HPCAL1: variants seen among roughly 807,000 people sequenced by gnomAD.
HPCAL1 encodes the protein hippocalcin-like protein 1.
Under a neutral mutation model 17.1 loss-of-function variants are expected in HPCAL1, and 8 were observed. The observed-to-expected ratio is 0.47, with a 90% CI of 0.27 to 0.84. The LOEUF is 0.84. Ranked by LOEUF, HPCAL1 falls within the 40% of genes least tolerant of loss-of-function variation. The pLI is 0.13. For synonymous variants in HPCAL1, 112 were observed against 111.4 expected (o/e 1.01, Z -0.03); for missense variants, 165 against 271.1 (o/e 0.61, Z 2.75).
chr2:10,369,275 T>C (rs1667066062), intron 1 of HPCAL1: 1 of 152,232 alleles, frequency 6.6e-6, no homozygotes, highest in African/African-American at 2.4e-5. Context: ...CTCTTAGAGT[T>C]TGTTGACCTC....
intron 1 of HPCAL1, among the ~76,000 whole-genome samples, chr2:10,364,355 CT>C (rs1284230977): frequency 1.3e-5 from 2 of 152,188 alleles, no homozygotes; most frequent in African/African-American, 2.4e-5. Flanking sequence ...GAGGCCCCCC[CT>C]ACTCTTTCCC....
chr2:10,329,504 A>G lies in HPCAL1; in HGVS notation c.-111+26327A>G, dbSNP rs542722882. Among the ~76,000 whole-genome samples, 13 of 152,338 alleles carry G rather than the reference A, an allele frequency of 8.5e-5. No homozygotes were observed. In the South Asian group the frequency reaches 1.7e-3, roughly 19 times the overall value. On this transcript the variant is annotated intron_variant, in intron 1 of 4. Transcript: ENST00000307845. ...GCTTTGAGCCAGAGTGTGGTGGCCT[A>G]CAGAGGCTGGAAAAGGCAAGGGAAC...
chr2:10,382,271 C>T (rs774910116), intron 1 of HPCAL1, among the ~76,000 whole-genome samples: 15 of 152,074 alleles, frequency 9.9e-5, no homozygotes, highest in South Asian at 8.3e-4. Context: ...GTGGTTCCTA[C>T]GGGTTAGGAG....
rs1253416069 is a variant in HPCAL1, at chr2:10,394,532, C to T, written c.-110-2303C>T. On this transcript the variant is annotated intron_variant, in intron 1 of 4. Transcript: ENST00000307845. This position sits in a 1 kb window ranked among gnomAD's most constrained non-coding sequence, Gnocchi z 5.0. ...CAGAGGGGCTTTAGGGCAGCGAGCC[C>T]GCGCTATGTGATGCTGTAATGGTGG... Among the ~76,000 whole-genome samples the T allele has an allele frequency of 6.6e-6, 1 of 152,174 alleles. No individual in the cohort carries two copies. The highest frequency in any genetic ancestry group is 1.5e-5 in the Non-Finnish European group (1 of 68,034).
chr2:10,415,273 G>A (rs1462783264), intron 2 of HPCAL1, among the ~76,000 whole-genome samples: 4 of 152,152 alleles, frequency 2.6e-5, no homozygotes, highest in Non-Finnish European at 4.4e-5. Flanking sequence ...TGCTGCAGCT[G>A]CTTGTTTTGC....
rs914397356 is a variant in HPCAL1, at chr2:10,363,395, T to C, written c.-110-33440T>C. On this transcript the variant is annotated intron_variant, in intron 1 of 4. Transcript: ENST00000307845. The surrounding 1 kb of genome is among the most constrained non-coding windows in gnomAD (Gnocchi z 4.7). Reference sequence around the variant, plus strand: ...GTTTACCGTCCAGCACCCCCATTTCTGCTGCTCTGATAACTTGGATCGACT... The same window carrying C: ...GTTTACCGTCCAGCACCCCCATTTCCGCTGCTCTGATAACTTGGATCGACT... 6.6e-6 allele frequency among the ~76,000 whole-genome samples: 1 copy of C among 152,198 alleles called. No individual in the cohort carries two copies. Among genetic ancestry groups the C allele is most frequent in the Non-Finnish European group, 1.5e-5 (1 of 68,022 alleles).
rs1054800043 is a variant in HPCAL1, at chr2:10,330,503, T to G, written c.-111+27326T>G. On this transcript the variant is annotated intron_variant, in intron 1 of 4. Transcript: ENST00000307845. The surrounding 1 kb of genome is among the most constrained non-coding windows in gnomAD (Gnocchi z 4.2). ...CTTTTTTTTTTACAGTATTGGAGGC[T>G]GATGTCTGAGACAGGGTGGCGGCAG... Among the ~76,000 whole-genome samples, 1 of 152,008 alleles carries G rather than the reference T, an allele frequency of 6.6e-6. No homozygotes were observed. The highest frequency in any genetic ancestry group is 1.5e-5 in the Non-Finnish European group (1 of 67,996).
intron 2 of HPCAL1, among the ~76,000 whole-genome samples, chr2:10,412,660 T>A (rs1558529209): frequency 1.3e-5 from 2 of 152,058 alleles, no homozygotes; most frequent in African/African-American, 4.8e-5. Context: ...GGCAATAGAG[T>A]AAGAAGAGCA....
chr2:10,320,258 G>C (rs755367947), intron 1 of HPCAL1, among the ~76,000 whole-genome samples: 1 of 152,110 alleles, frequency 6.6e-6, no homozygotes, highest in Admixed American at 6.5e-5. Context: ...GGACGGATAT[G>C]GTTTGGATTT....
chr2:10,339,085 G>A (rs970296544), intron 1 of HPCAL1, among the ~76,000 whole-genome samples: 2 of 152,102 alleles, frequency 1.3e-5, no homozygotes, highest in Non-Finnish European at 2.9e-5. Flanking sequence ...GCCAGGACTT[G>A]TTTGCACGAA....
chr2:10,356,690 C>G (rs530976734), intron 1 of HPCAL1, among the ~76,000 whole-genome samples: 56 of 152,286 alleles, frequency 3.7e-4, no homozygotes, highest in Non-Finnish European at 6.9e-4. Flanking sequence ...TCACGTCCCC[C>G]AGTGTGTAAG....
At chr2:10,421,579 T>C (rs1428945007) in intron 3 of HPCAL1, among the ~76,000 whole-genome samples, 1 of 152,164 alleles carries the variant, frequency 6.6e-6, no homozygotes. Context: ...CATGCACCTG[T>C]AGTCCCAGCT....
intron 1 of HPCAL1, among the ~76,000 whole-genome samples, chr2:10,370,366 G>A (rs1024256931): frequency 2.0e-5 from 3 of 152,238 alleles, no homozygotes; most frequent in African/African-American, 7.2e-5. Context: ...AAGATTTTGG[G>A]GTTAGGATTT....
chr2:10,357,306 G>T (rs1666218496), intron 1 of HPCAL1, among the ~76,000 whole-genome samples: 1 of 152,224 alleles, frequency 6.6e-6, no homozygotes. Context: ...GCCCAGCCCA[G>T]GTTGTCAGCT....
chr2:10,375,207 C>T (rs1478400848), intron 1 of HPCAL1, among the ~76,000 whole-genome samples: 38 of 152,240 alleles, frequency 2.5e-4, no homozygotes, highest in Admixed American at 2.4e-3. Context: ...TGGCTGGATG[C>T]ATATTCCTAT....
chr2:10,304,218 G>T lies in HPCAL1; in HGVS notation c.-111+1041G>T, dbSNP rs1320628343. ...CCCAGGCTCCCGCGCAAGCGTGGGG[G>T]TCCCTCTCCTGGCCGGGAGGCAGCG... On this transcript the variant is annotated intron_variant, in intron 1 of 4. Transcript: ENST00000307845. This position sits in a 1 kb window ranked among gnomAD's most constrained non-coding sequence, Gnocchi z 4.1. Among the ~76,000 whole-genome samples the T allele has an allele frequency of 6.6e-6, 1 of 151,882 alleles. No individual in the cohort carries two copies. Among genetic ancestry groups the T allele is most frequent in the African/African-American group, 2.4e-5 (1 of 41,344 alleles).
At chr2:10,349,456 G>A (rs6729667) in intron 1 of HPCAL1, among the ~76,000 whole-genome samples, 1 of 151,528 alleles carries the variant, frequency 6.6e-6, no homozygotes, top group Non-Finnish European at 1.5e-5. Flanking sequence ...ACCTGTAATC[G>A]CAGCACTTTG....
At chr2:10,357,104 C>T (rs12618370) in intron 1 of HPCAL1, among the ~76,000 whole-genome samples, 22,875 of 152,048 alleles carry the variant, frequency 0.15, 2,430 homozygotes, top group East Asian at 0.52. Flanking sequence ...CACAGCGAGA[C>T]TCTGTGTCTA....
chr2:10,372,277 G>T (rs1486544242), intron 1 of HPCAL1, among the ~76,000 whole-genome samples: 1 of 147,538 alleles, frequency 6.8e-6, no homozygotes, highest in Non-Finnish European at 1.5e-5. Flanking sequence ...GGGGACGAGG[G>T]TTGTCGGTGG....
Sources: allele counts gnomAD v4.1 joint callset (sites outside exome capture counted in the v4.1 genomes callset), GRCh38; gene constraint gnomAD v4.1.1; non-coding constraint Gnocchi (gnomAD v3.1); transcripts MANE v1.5; gene names NCBI Gene and HGNC (gene_info 2026-07-23, HGNC 2026-07-21).